PPP2R3B: variants seen among roughly 807,000 people sequenced by gnomAD.
The protein encoded by PPP2R3B is serine/threonine-protein phosphatase 2A regulatory subunit B'' subunit beta.
Under a neutral mutation model 72.9 loss-of-function variants are expected in PPP2R3B, and 68 were observed. That is an observed-to-expected ratio of 0.93 (90% CI 0.77 to 1.14). The LOEUF is 1.14. PPP2R3B is among the 50% of genes most tolerant of loss of function. The pLI is 0.00. For synonymous variants in PPP2R3B, 466 were observed against 375.8 expected, an observed-to-expected ratio of 1.24 and a Z score of -2.78; for missense variants, 1,018 against 842.0, an observed-to-expected ratio of 1.21 and a Z score of -2.59.
At chrX:344,987 C>T (rs1603049213) in intron 7 of PPP2R3B, 1 of 357,332 alleles carries the variant, frequency 2.8e-6, no homozygotes, top group African/African-American at 2.1e-5. Context: ...CCACAGGCCG[C>T]TTTGAGTTCC....
chrX:346,534 C>A, intron 5 of PPP2R3B, 167 bp downstream of exon 5: 2 of 695,884 alleles, frequency 2.9e-6, no homozygotes, highest in Non-Finnish European at 4.7e-6. Flanking sequence ...GTCCCCCCAA[C>A]ACCGGGCTCC....
chrX:355,766 C>T (rs936871391), intron 2 of PPP2R3B, among the ~76,000 whole-genome samples: 5 of 152,142 alleles, frequency 3.3e-5, no homozygotes, highest in Admixed American at 6.5e-5. Flanking sequence ...CAGAAAATTC[C>T]GGCTAATCTA....
At chrX:351,958 G>C (rs180856573) in intron 2 of PPP2R3B, among the ~76,000 whole-genome samples, 2 of 152,290 alleles carry the variant, frequency 1.3e-5, no homozygotes, top group African/African-American at 2.4e-5. Context: ...GCCTCTCAAA[G>C]TGCTGGGACT....
Position 340,894 on chromosome X carries a change from G to C in PPP2R3B, c.1222C>G (p.Leu408Val), listed in dbSNP as rs748180049. Residue 408 changes from leucine to valine, a missense_variant, in exon 10 of 13, where the codon CTG becomes GTG. By Grantham distance (32) the Leu-to-Val change is conservative. Coordinates refer to ENST00000390665, the MANE Select transcript of PPP2R3B (RefSeq NM_013239.5). ...AAGTACTCGAGCTCGAACATGGACAGGGCGCCGTCCCCGTCCAGGTCCATG... is the reference window on the plus strand; with the variant it reads ...AAGTACTCGAGCTCGAACATGGACACGGCGCCGTCCCCGTCCAGGTCCATG... ...RCMDLDGDGA[L>V]SMFELEYFYE... 3.7e-6 allele frequency: 6 copies of C among 1,611,980 alleles called. No homozygotes were observed. The highest frequency in any genetic ancestry group is 4.5e-5 in the East Asian group (2 of 44,832).
intron 2 of PPP2R3B, among the ~76,000 whole-genome samples, chrX:357,791 G>A (rs1449665157): frequency 6.6e-6 from 1 of 152,210 alleles, no homozygotes; most frequent in African/African-American, 2.4e-5. Context: ...GGAGTTTGGT[G>A]GAGGTGAAGG....
chrX:347,131 A>G, intron 4 of PPP2R3B, 103 bp downstream of exon 4: 3 of 1,174,686 alleles, frequency 2.6e-6, no homozygotes, highest in African/African-American at 1.7e-5. Flanking sequence ...CCCGTGAGGG[A>G]TGAGGCGTGT....
At position 341,767 on chromosome X, in the gene PPP2R3B, G is replaced by A. The variant is rs1394870366; in HGVS notation, c.1085+116C>T. 87 of 1,136,568 alleles carry A rather than the reference G, an allele frequency of 7.7e-5. 1 individual carries two copies. In the Middle Eastern group the frequency reaches 1.9e-3, roughly 25 times the overall value. 70.4% of individuals were successfully genotyped at this position (1,136,568 alleles called of 1,614,324 possible). ...CACGTGCCCCCCTCGCCAGGGCCTG[G>A]GGTGACAACCACTCGCTGTCGGGGC... On this transcript the variant is annotated intron_variant, in intron 8 of 12. Transcript: ENST00000390665.
chrX:383,157 A>C (rs969817481), intron 1 of PPP2R3B, among the ~76,000 whole-genome samples: 32 of 152,144 alleles, frequency 2.1e-4, no homozygotes, highest in Non-Finnish European at 4.3e-4. Flanking sequence ...ATTTTCATCG[A>C]CACGTACTTT....
intron 2 of PPP2R3B, among the ~76,000 whole-genome samples, chrX:349,773 C>T (rs1346104743): frequency 2.6e-5 from 4 of 152,140 alleles, no homozygotes; most frequent in African/African-American, 4.8e-5. Context: ...AATCAACCTA[C>T]GAAAAATGGA....
intron 1 of PPP2R3B, among the ~76,000 whole-genome samples, chrX:375,415 T>C (rs1482414069): frequency 0.016 from 2,021 of 127,256 alleles, 62 homozygotes; most frequent in African/African-American, 0.06. Context: ...CGATGCAGGA[T>C]GCAAACTCAC....
chrX:334,750 C>T (rs377606757), intron 12 of PPP2R3B: 23 of 472,656 alleles, frequency 4.9e-5, no homozygotes, highest in Middle Eastern at 5.5e-4. Context: ...CAGGACGGGA[C>T]GGAGCCCCGG....
chrX:361,278 GCA>G, intron 2 of PPP2R3B, 125 bp downstream of exon 2: 1 of 1,081,444 alleles, frequency 9.2e-7, no homozygotes, highest in East Asian at 2.6e-5. Flanking sequence ...CGTGTGAAAC[GCA>G]CCCTCCTCGG....
At chrX:347,019 C>T (rs1257683975) in intron 4 of PPP2R3B, among the ~76,000 whole-genome samples, 1 of 127,794 alleles carries the variant, frequency 7.8e-6, no homozygotes, top group East Asian at 2.4e-4. Flanking sequence ...CTCCCGTGAG[C>T]GATGAGGTGT....
intron 2 of PPP2R3B, among the ~76,000 whole-genome samples, chrX:357,251 G>A (rs1343706862): frequency 1.3e-5 from 2 of 152,094 alleles, no homozygotes; most frequent in South Asian, 2.1e-4. Flanking sequence ...ACAAACGGCC[G>A]GTCCTGCCTA....
chrX:370,005 C>A (rs750254341), intron 1 of PPP2R3B, among the ~76,000 whole-genome samples: 1 of 152,290 alleles, frequency 6.6e-6, no homozygotes, highest in East Asian at 1.9e-4. Context: ...AAGGCAGGGC[C>A]TGCTGCAAGC....
At chrX:337,086 C>CTT in intron 12 of PPP2R3B, 1 of 128,884 alleles carries the variant, frequency 7.8e-6, no homozygotes, top group Non-Finnish European at 1.7e-5. Flanking sequence ...CCATCCCTGG[C>CTT]TTTTTTTTTT....
At chrX:384,280 C>CTATA (rs202088659) in intron 1 of PPP2R3B, among the ~76,000 whole-genome samples, 43 of 146,280 alleles carry the variant, frequency 2.9e-4, no homozygotes, top group African/African-American at 7.2e-4. Flanking sequence ...CTCTCTCTCT[C>CTATA]TCTATATATA....
At chrX:347,479 G>A (rs936682099) in intron 3 of PPP2R3B, 111 bp downstream of exon 3, 14 of 1,369,430 alleles carry the variant, frequency 1.0e-5, no homozygotes, top group Admixed American at 5.7e-5. Context: ...GCCCGTACAA[G>A]GGTTTCTCCT....
At chrX:384,896 A>G (rs1432951791) in intron 1 of PPP2R3B, among the ~76,000 whole-genome samples, 1 of 150,446 alleles carries the variant, frequency 6.6e-6, no homozygotes, top group African/African-American at 2.5e-5. Context: ...GAGGGAGGAG[A>G]ATCGCTTGAA....
Sources: gnomAD v4.1 joint callset for allele counts (sites outside exome capture counted in the v4.1 genomes callset) on GRCh38, gnomAD v4.1.1 for gene constraint, MANE v1.5 for transcripts, NCBI Gene and HGNC (gene_info 2026-07-23, HGNC 2026-07-21) for gene names.